Variants in PCSK5 observed in about 807,000 individuals in gnomAD.
PCSK5 encodes the protein proprotein convertase subtilisin/kexin type 5, also known as prohormone convertase 5.
PCSK5 carries 129 observed loss-of-function variants against 233.2 expected under a neutral mutation model. The ratio of observed to expected loss-of-function variants is 0.55; its 90% CI spans 0.48 to 0.64. PCSK5 has a LOEUF of 0.64. PCSK5 is among the 30% of genes least tolerant of loss of function. The pLI is 0.00. For missense variants in PCSK5, 2,076 were observed against 2,430.1 expected, an observed-to-expected ratio of 0.85 and a Z score of 3.06; for synonymous variants, 825 against 879.2, an observed-to-expected ratio of 0.94 and a Z score of 1.09.
chr9:76,349,727 A>G (rs1830070147), intron 35 of PCSK5, among the ~76,000 whole-genome samples: 1 of 152,218 alleles, frequency 6.6e-6, no homozygotes, highest in South Asian at 2.1e-4. Flanking sequence ...ATGTCCATTA[A>G]TCTTATGCTC....
intron 3 of PCSK5, among the ~76,000 whole-genome samples, chr9:76,012,882 A>G (rs978268594): frequency 1.3e-5 from 2 of 152,162 alleles, no homozygotes; most frequent in African/African-American, 4.8e-5. Context: ...CCATACCACA[A>G]TTGCTTCAGA....
intron 1 of PCSK5, among the ~76,000 whole-genome samples, chr9:75,932,130 A>C (rs774968989): frequency 2.0e-5 from 3 of 152,242 alleles, no homozygotes; most frequent in Non-Finnish European, 2.9e-5. Flanking sequence ...TGGAGAGGCT[A>C]AGCTGCCCCA....
chr9:75,983,557 A>G (rs1456803708), intron 2 of PCSK5, among the ~76,000 whole-genome samples: 1 of 152,196 alleles, frequency 6.6e-6, no homozygotes, highest in Non-Finnish European at 1.5e-5. Context: ...TAGCACATGT[A>G]TGTTTAAATT....
At chr9:76,248,050 C>T (rs1177510005) in intron 24 of PCSK5, among the ~76,000 whole-genome samples, 1 of 152,156 alleles carries the variant, frequency 6.6e-6, no homozygotes, top group Admixed American at 6.5e-5. Flanking sequence ...TCCCAAATTG[C>T]TGGGATTACA....
At chr9:76,000,445 T>C (rs1261302800) in intron 3 of PCSK5, among the ~76,000 whole-genome samples, 1 of 152,190 alleles carries the variant, frequency 6.6e-6, no homozygotes, top group Non-Finnish European at 1.5e-5. Flanking sequence ...ATCACCTAGA[T>C]CCTTATAAGT....
At chr9:76,134,060 C>A in intron 9 of PCSK5, 49 bp from the exon 10 acceptor site, 1 of 1,152,180 alleles carries the variant, frequency 8.7e-7, no homozygotes, top group Non-Finnish European at 1.3e-6. Context: ...TCTGCTTCCC[C>A]CATCTTTTTT....
At chr9:76,091,540 G>A (rs1163872531) in intron 7 of PCSK5, among the ~76,000 whole-genome samples, 1 of 152,136 alleles carries the variant, frequency 6.6e-6, no homozygotes, top group African/African-American at 2.4e-5. Flanking sequence ...GACTGTTCTG[G>A]TGTCTTCTAG....
intron 10 of PCSK5, among the ~76,000 whole-genome samples, chr9:76,142,757 A>G (rs555058157): frequency 6.6e-5 from 10 of 152,314 alleles, no homozygotes; most frequent in Non-Finnish European, 1.5e-4. Flanking sequence ...TTAGAAATGA[A>G]ATTTGGTCTC....
chr9:75,945,304 A>G (rs1824514589), intron 2 of PCSK5, among the ~76,000 whole-genome samples: 1 of 152,010 alleles, frequency 6.6e-6, no homozygotes, highest in South Asian at 2.1e-4. Context: ...TGATTTATCC[A>G]TTTTTGCTGA....
At chr9:75,937,851 T>G (rs1824127850) in intron 2 of PCSK5, among the ~76,000 whole-genome samples, 2 of 152,094 alleles carry the variant, frequency 1.3e-5, no homozygotes, top group African/African-American at 4.8e-5. Context: ...CCCTGCTAGC[T>G]TCATACTTTT....
At chr9:76,027,905 T>C (rs1370528553) in intron 5 of PCSK5, among the ~76,000 whole-genome samples, 1 of 152,228 alleles carries the variant, frequency 6.6e-6, no homozygotes, top group Non-Finnish European at 1.5e-5. Context: ...AAGAGAACTG[T>C]TTAACCCATT....
chr9:75,932,899 G>A (rs930814808), intron 2 of PCSK5, among the ~76,000 whole-genome samples: 4 of 152,256 alleles, frequency 2.6e-5, no homozygotes, highest in Admixed American at 1.3e-4. Context: ...ACAGATCACC[G>A]TGAATCCTCA....
chr9:75,916,269 C>T (rs139225574), intron 1 of PCSK5, among the ~76,000 whole-genome samples: 35 of 152,240 alleles, frequency 2.3e-4, no homozygotes, highest in African/African-American at 6.3e-4. Flanking sequence ...AGCTTGGTGT[C>T]GGAAAAATCT....
At chr9:76,279,073 C>A (rs1332770214) in intron 24 of PCSK5, among the ~76,000 whole-genome samples, 1 of 129,448 alleles carries the variant, frequency 7.7e-6, no homozygotes, top group Non-Finnish European at 1.6e-5. Context: ...TCCCCCCACC[C>A]CACCACAGTC....
At chr9:76,065,428 T>C (rs1830251125) in intron 5 of PCSK5, among the ~76,000 whole-genome samples, 1 of 152,250 alleles carries the variant, frequency 6.6e-6, no homozygotes, top group African/African-American at 2.4e-5. Context: ...TTGAGCATTT[T>C]TTTCACATAC....
chr9:76,133,774 C>G (rs1014239), intron 9 of PCSK5, among the ~76,000 whole-genome samples: 1 of 151,962 alleles, frequency 6.6e-6, no homozygotes, highest in African/African-American at 2.4e-5. Flanking sequence ...ATGATCCAAG[C>G]TTTTATACAA....
intron 33 of PCSK5, among the ~76,000 whole-genome samples, chr9:76,328,452 TCTA>T (rs1171104904): frequency 1.3e-5 from 2 of 152,218 alleles, no homozygotes; most frequent in Non-Finnish European, 2.9e-5. Flanking sequence ...TTGCTCATCT[TCTA>T]CACCATTTGC....
intron 30 of PCSK5, among the ~76,000 whole-genome samples, chr9:76,321,169 C>T (rs1829190009): frequency 6.6e-6 from 1 of 152,054 alleles, no homozygotes; most frequent in African/African-American, 2.4e-5. Context: ...TAAGCAGTTC[C>T]CAGCTTGATT....
At chr9:76,003,780 C>G (rs780460363) in intron 3 of PCSK5, among the ~76,000 whole-genome samples, 6 of 151,800 alleles carry the variant, frequency 4.0e-5, no homozygotes, top group African/African-American at 1.5e-4. Context: ...CAGGGTCATA[C>G]ATTGCCATTA....
Sources: gnomAD v4.1 joint callset for allele counts (sites outside exome capture counted in the v4.1 genomes callset) on GRCh38, gnomAD v4.1.1 for gene constraint, MANE v1.5 for transcripts, NCBI Gene and HGNC (gene_info 2026-07-23, HGNC 2026-07-21) for gene names.